Variants in FOXK1 observed in about 807,000 individuals in gnomAD.
FOXK1 encodes the protein forkhead box K1.
FOXK1 carries 19 observed loss-of-function variants against 51.9 expected under a neutral mutation model. The observed-to-expected ratio is 0.37, with a 90% confidence interval of 0.26 to 0.54. The LOEUF (loss-of-function observed/expected upper bound fraction) is 0.54. Ranked by LOEUF, FOXK1 falls within the 20% of genes least tolerant of loss-of-function variation. FOXK1 has a pLI of 0.87. For missense variants in FOXK1, 870 were observed against 1,032.7 expected, an observed-to-expected ratio of 0.84 and a Z score of 2.16; for synonymous variants, 537 against 482.6, an observed-to-expected ratio of 1.11 and a Z score of -1.48.
intron 1 of FOXK1, among the ~76,000 whole-genome samples, chr7:4,712,530 G>C (rs1780187685): frequency 6.6e-6 from 1 of 152,154 alleles, no homozygotes; most frequent in Non-Finnish European, 1.5e-5. Flanking sequence ...GAACCCATTT[G>C]TCCTGCCCCG....
Position 4,753,651 on chromosome 7 carries a change from C to T in FOXK1, c.747-808C>T, listed in dbSNP as rs1030037665. Among the ~76,000 whole-genome samples the T allele has an allele frequency of 3.3e-5, 5 of 152,184 alleles. No individual in the cohort carries two copies. Among genetic ancestry groups the T allele is most frequent in the African/African-American group, 1.2e-4 (5 of 41,448 alleles). On this transcript the variant is annotated intron_variant, in intron 2 of 8. Coordinates refer to ENST00000328914, the MANE Select transcript of FOXK1 (RefSeq NM_001037165.2). The surrounding 1 kb of genome is among the most constrained non-coding windows in gnomAD (Gnocchi z 4.9). Reference sequence around the variant, plus strand: ...TGTCTTCATTGGCTTTCTCTGAATACCTGTAATAGAAATCATTTTCAGAAG... The same window carrying T: ...TGTCTTCATTGGCTTTCTCTGAATATCTGTAATAGAAATCATTTTCAGAAG...
In FOXK1 at chr7:4,743,275, G is replaced by A. The variant is rs1016278760; in HGVS notation, c.746+2252G>A. The stretch of plus-strand genomic sequence containing the variant: ...AGTCACTTTAAAGAGTGAACTGGCC[G>A]GGCGCGGTGGCTCACACTGGTAATG... On this transcript the variant is annotated intron_variant, in intron 2 of 8. Coordinates refer to ENST00000328914, the MANE Select transcript of FOXK1 (RefSeq NM_001037165.2). The surrounding 1 kb of genome is among the most constrained non-coding windows in gnomAD (Gnocchi z 5.3). 1.3e-5 allele frequency among the ~76,000 whole-genome samples: 2 copies of A among 152,170 alleles called. No individual in the cohort carries two copies. Among genetic ancestry groups the A allele is most frequent in the Admixed American group, 6.5e-5 (1 of 15,276 alleles).
At position 4,707,396 on chromosome 7, in the gene FOXK1, G is replaced by C. The variant is rs1396868618; in HGVS notation, c.560+24528G>C. Among the ~76,000 whole-genome samples the C allele has an allele frequency of 6.6e-6, 1 of 152,310 alleles. No individual in the cohort carries two copies. The highest frequency in any genetic ancestry group is 6.5e-5 in the Admixed American group (1 of 15,308). ...ACAATTAAGCTAGTTTAGTACATCC[G>C]GCAATGCTGCTGAAAGCAGGCCTCT... is the stretch of plus-strand genomic sequence containing the variant. On this transcript the variant is annotated intron_variant, in intron 1 of 8. Transcript: ENST00000328914. This position sits in a 1 kb window ranked among gnomAD's most constrained non-coding sequence, Gnocchi z 4.1.
rs1020508490 is a variant in FOXK1 at position 4,715,550 on chromosome 7, T to G, written c.561-25288T>G. Among the ~76,000 whole-genome samples, 2 of 152,214 alleles carry G rather than the reference T, an allele frequency of 1.3e-5. No individual in the cohort carries two copies. Among genetic ancestry groups the G allele is most frequent in the African/African-American group, 4.8e-5 (2 of 41,444 alleles). ...CATCTATCAGCAGTCAGCTTTCCAC[T>G]TAAGCAGAGCCAAGTTTAGAATGAA... On this transcript the variant is annotated intron_variant, in intron 1 of 8. Coordinates refer to ENST00000328914, the MANE Select transcript of FOXK1 (RefSeq NM_001037165.2). The surrounding 1 kb of genome is among the most constrained non-coding windows in gnomAD (Gnocchi z 4.5).
chr7:4,697,309 A>T (rs1344591566), intron 1 of FOXK1, among the ~76,000 whole-genome samples: 1 of 152,052 alleles, frequency 6.6e-6, no homozygotes, highest in Non-Finnish European at 1.5e-5. Flanking sequence ...CTCAGGAAGA[A>T]GATGACAGTG....
Position 4,734,387 on chromosome 7 carries a change from G to T in FOXK1, c.561-6451G>T, listed in dbSNP as rs748747735. On this transcript the variant is annotated intron_variant, in intron 1 of 8. Transcript: ENST00000328914. This position sits in a 1 kb window ranked among gnomAD's most constrained non-coding sequence, Gnocchi z 5.2. ...GCTCTTGTGGTCCTGGCCTTGGTGG[G>T]CAGGTGCAGGGCCCGCTCCCTCCTT... Among the ~76,000 whole-genome samples, 1 of 152,204 alleles carries T rather than the reference G, an allele frequency of 6.6e-6. No homozygotes were observed. The highest frequency in any genetic ancestry group is 1.5e-5 in the Non-Finnish European group (1 of 68,034).
Position 4,734,496 on chromosome 7 carries a change from C to T in FOXK1, c.561-6342C>T, listed in dbSNP as rs1780525076. ...CCCCTCAAACTCCTTTGCCTCAGTC[C>T]CTGTCTTCCTTGATGGGGGCATTCC... On this transcript the variant is annotated intron_variant, in intron 1 of 8. Coordinates refer to ENST00000328914, the MANE Select transcript of FOXK1 (RefSeq NM_001037165.2). The surrounding 1 kb of genome is among the most constrained non-coding windows in gnomAD (Gnocchi z 5.2). 6.6e-6 allele frequency among the ~76,000 whole-genome samples: 1 copy of T among 152,198 alleles called. No homozygotes were observed.
rs886082979 is a variant in FOXK1, at chr7:4,735,635, C to T, written c.561-5203C>T. Among the ~76,000 whole-genome samples, 2 of 152,144 alleles carry T rather than the reference C, an allele frequency of 1.3e-5. No homozygotes were observed. The highest frequency in any genetic ancestry group is 4.8e-5 in the African/African-American group (2 of 41,434). On this transcript the variant is annotated intron_variant, in intron 1 of 8. Coordinates refer to ENST00000328914, the MANE Select transcript of FOXK1 (RefSeq NM_001037165.2). The surrounding 1 kb of genome is among the most constrained non-coding windows in gnomAD (Gnocchi z 4.7). ...CTTGCTCGTACAGGAACCTTTCCGC[C>T]GGGCTGGTGGACGGAGATTTCTACT... is the stretch of plus-strand genomic sequence containing the variant.
In FOXK1 at chr7:4,755,147, G is replaced by T; in HGVS notation, c.904-90G>T. ...CGGCAAGACGCGCACATTCTCGTGGGAAGGTTCCTCCCCATCAGCTGTGAC... is the reference window on the plus strand; with the variant it reads ...CGGCAAGACGCGCACATTCTCGTGGTAAGGTTCCTCCCCATCAGCTGTGAC... On this transcript the variant is annotated intron_variant, in intron 3 of 8. Coordinates refer to ENST00000328914, the MANE Select transcript of FOXK1 (RefSeq NM_001037165.2). The surrounding 1 kb of genome is among the most constrained non-coding windows in gnomAD (Gnocchi z 6.6). 3.9e-6 allele frequency: 6 copies of T among 1,522,728 alleles called. No individual in the cohort carries two copies. The highest frequency in any genetic ancestry group is 5.4e-6 in the Non-Finnish European group (6 of 1,121,052). 94.3% of individuals were successfully genotyped at this position (1,522,728 alleles called of 1,614,324 possible). A position where few individuals can be genotyped will look rare whatever the true frequency, so the allele number is the denominator to read the frequency against.
In FOXK1 at chr7:4,724,264, C is replaced by T. The variant is rs1015767631; in HGVS notation, c.561-16574C>T. Among the ~76,000 whole-genome samples, 7 of 152,228 alleles carry T rather than the reference C, an allele frequency of 4.6e-5. No individual in the cohort carries two copies. The East Asian group carries it at 5.8e-4, about 13-fold the overall frequency. On this transcript the variant is annotated intron_variant, in intron 1 of 8. Transcript: ENST00000328914. Reference sequence around the variant, plus strand: ...AGGCTGGAGTGCAGTGGTGCAATCTCGGCTCACTGCAACCTCCGTCTCCCG... The same window carrying T: ...AGGCTGGAGTGCAGTGGTGCAATCTTGGCTCACTGCAACCTCCGTCTCCCG...
At chr7:4,746,397 C>A (rs1780702392) in intron 2 of FOXK1, among the ~76,000 whole-genome samples, 2 of 152,082 alleles carry the variant, frequency 1.3e-5, no homozygotes, top group Non-Finnish European at 2.9e-5. Flanking sequence ...TGATTCATCT[C>A]TTTCAAAGTT....
intron 1 of FOXK1, among the ~76,000 whole-genome samples, chr7:4,692,521 G>T (rs1167125609): frequency 6.7e-6 from 1 of 149,736 alleles, no homozygotes; most frequent in Admixed American, 6.6e-5. Context: ...TCAGCCTCCC[G>T]AGTAGCTGGG....
In FOXK1 at chr7:4,731,202, T is replaced by C. The variant is rs1780471855; in HGVS notation, c.561-9636T>C. On this transcript the variant is annotated intron_variant, in intron 1 of 8. Coordinates refer to ENST00000328914, the MANE Select transcript of FOXK1 (RefSeq NM_001037165.2). The surrounding 1 kb of genome is among the most constrained non-coding windows in gnomAD (Gnocchi z 5.3). ...CTCCGAGGTGGTGGGTGAGCATCCC[T>C]GCAAGTCAAGCTCTGCTGTTCCCCG... Among the ~76,000 whole-genome samples, 1 of 152,174 alleles carries C rather than the reference T, an allele frequency of 6.6e-6. No individual in the cohort carries two copies. Among genetic ancestry groups the C allele is most frequent in the Non-Finnish European group, 1.5e-5 (1 of 68,008 alleles).
Position 4,730,521 on chromosome 7 carries a change from CG to C in FOXK1, c.561-10313del, listed in dbSNP as rs1243983009. Among the ~76,000 whole-genome samples the C allele has an allele frequency of 6.6e-6, 1 of 152,168 alleles. No homozygotes were observed. Among genetic ancestry groups the C allele is most frequent in the East Asian group, 1.9e-4 (1 of 5,196 alleles). On this transcript the variant is annotated intron_variant, in intron 1 of 8. Transcript: ENST00000328914. This position sits in a 1 kb window ranked among gnomAD's most constrained non-coding sequence, Gnocchi z 4.7. ...GCACCAGTGCTGGTTCCGTGTCTGT[CG>C]GGGAGGGGATGGACGTTTGTGTTGC...
intron 7 of FOXK1, among the ~76,000 whole-genome samples, chr7:4,760,215 C>T (rs756970806): frequency 1.1e-4 from 17 of 152,110 alleles, no homozygotes; most frequent in Non-Finnish European, 2.2e-4. Flanking sequence ...CTGTTCTTTT[C>T]GACTCCCTCG....
At chr7:4,687,305 T>G (rs1229005974) in intron 1 of FOXK1, among the ~76,000 whole-genome samples, 1 of 151,672 alleles carries the variant, frequency 6.6e-6, no homozygotes, top group Non-Finnish European at 1.5e-5. Context: ...TCGTTTTTGT[T>G]TTTTTGCAAC....
chr7:4,704,537 T>C (rs931603166), intron 1 of FOXK1, among the ~76,000 whole-genome samples: 2 of 136,734 alleles, frequency 1.5e-5, no homozygotes, highest in African/African-American at 2.7e-5. Context: ...AAAAAAAAAA[T>C]GCTCAAAGGA....
In FOXK1 at chr7:4,703,953, G is replaced by A. The variant is rs1264134146; in HGVS notation, c.560+21085G>A. Among the ~76,000 whole-genome samples, 4 of 152,154 alleles carry A rather than the reference G, an allele frequency of 2.6e-5. No homozygotes were observed. Among genetic ancestry groups the A allele is most frequent in the South Asian group, 4.1e-4 (2 of 4,836 alleles). On this transcript the variant is annotated intron_variant, in intron 1 of 8. Transcript: ENST00000328914. The surrounding 1 kb of genome is among the most constrained non-coding windows in gnomAD (Gnocchi z 5.6). ...AAAACCAAACCTGGTGGGAAAAAAT[G>A]CGTGTATACGTACCCCTACGTGTGG...
rs1780419092 is a variant in FOXK1, at chr7:4,729,233, C to T, written c.561-11605C>T. ...CGATCCTCAGGATCCTCTTCGGGAG[C>T]AGCAGGCAGTGGCTTTCTCCTGGGC... On this transcript the variant is annotated intron_variant, in intron 1 of 8. Transcript: ENST00000328914. The surrounding 1 kb of genome is among the most constrained non-coding windows in gnomAD (Gnocchi z 6.2). Among the ~76,000 whole-genome samples, 1 of 152,178 alleles carries T rather than the reference C, an allele frequency of 6.6e-6. No homozygotes were observed. The highest frequency in any genetic ancestry group is 2.1e-4 in the South Asian group (1 of 4,824).
Sources: gnomAD v4.1 joint callset for allele counts (sites outside exome capture counted in the v4.1 genomes callset) on GRCh38, gnomAD v4.1.1 for gene constraint, Gnocchi (gnomAD v3.1) non-coding constraint, MANE v1.5 for transcripts, NCBI Gene and HGNC (gene_info 2026-07-23, HGNC 2026-07-21) for gene names.